Variants in IKZF1 observed in about 807,000 individuals in gnomAD.
The protein encoded by IKZF1 is IKAROS family zinc finger 1.
A neutral mutation model predicts 51.7 loss-of-function variants in IKZF1; 10 were observed. The ratio of observed to expected loss-of-function variants is 0.19; its 90% CI spans 0.12 to 0.33. The LOEUF (loss-of-function observed/expected upper bound fraction) is 0.33. Ranked by LOEUF, IKZF1 falls within the 10% of genes least tolerant of loss-of-function variation. IKZF1 has a pLI of 1.00. For synonymous variants in IKZF1, 280 were observed against 282.3 expected (o/e 0.99, Z 0.08); for missense variants, 484 against 707.5 (o/e 0.68, Z 3.58).
intron 2 of IKZF1, among the ~76,000 whole-genome samples, chr7:50,319,935 A>G (rs1017643704): frequency 6.6e-6 from 1 of 152,220 alleles, no homozygotes; most frequent in Non-Finnish European, 1.5e-5. Context: ...GATGAAGACC[A>G]GGACCTATGT....
rs2153517871 is a variant in IKZF1 at position 50,400,038 on chromosome 7, C to T, written c.971C>T (p.Ala324Val). The T allele has an allele frequency of 1.2e-6, 2 of 1,611,282 alleles. No individual in the cohort carries two copies. The highest frequency in any genetic ancestry group is 1.7e-6 in the Non-Finnish European group (2 of 1,178,956). The change falls in exon 8 of 8, where the codon GCC becomes GTC. Residue 324 changes from alanine to valine, a missense_variant. By Grantham distance (64) the Ala-to-Val change is moderately conservative. Around this residue, in one of 6 missense-constraint regions of IKZF1, gnomAD observed 172 missense variants for 192.7 expected, o/e 0.89. Coordinates refer to ENST00000331340, the MANE Select transcript of IKZF1 (RefSeq NM_006060.6). The surrounding 1 kb of genome is among the most constrained non-coding windows in gnomAD (Gnocchi z 5.4). ...AACAACGCCATCAACTACCTGGGGG[C>T]CGAGTCCCTGCGCCCGCTGGTGCAG... is the stretch of plus-strand genomic sequence containing the variant. ...AINNAINYLG[A>V]ESLRPLVQTP... is the part of the protein sequence containing the mutation.
In IKZF1 at chr7:50,349,043, A is replaced by G. The variant is rs527348234; in HGVS notation, c.160+21286A>G. On this transcript the variant is annotated intron_variant, in intron 3 of 7. Transcript: ENST00000331340. ...TGGGGTCAGCCAGTTTATAACACGA[A>G]CGGAGGTTAATGAACTGATCTTCCC... 2.6e-5 allele frequency among the ~76,000 whole-genome samples: 4 copies of G among 152,220 alleles called. No individual in the cohort carries two copies. In the East Asian group the frequency reaches 7.7e-4, roughly 29 times the overall value.
At chr7:50,364,553 G>T (rs965098952) in intron 3 of IKZF1, among the ~76,000 whole-genome samples, 1 of 152,184 alleles carries the variant, frequency 6.6e-6, no homozygotes, top group African/African-American at 2.4e-5. Flanking sequence ...TAATAGCTTC[G>T]CTAATCCCAC....
intron 1 of IKZF1, among the ~76,000 whole-genome samples, chr7:50,311,336 C>T (rs1365896083): frequency 2.6e-5 from 4 of 152,172 alleles, no homozygotes; most frequent in East Asian, 1.9e-4. Flanking sequence ...TACTCTAGAA[C>T]ACATGTTCTT....
rs1340036663 is a variant in IKZF1, at chr7:50,335,326, T to A, written c.160+7569T>A. On this transcript the variant is annotated intron_variant, in intron 3 of 7. Coordinates refer to ENST00000331340, the MANE Select transcript of IKZF1 (RefSeq NM_006060.6). ...TGGGATGTGTGGTATGTGGTGTGTA[T>A]GTGTGTATGGGAGGTGTGTTGTGTA... Among the ~76,000 whole-genome samples the A allele has an allele frequency of 2.0e-5, 3 of 148,334 alleles. No individual in the cohort carries two copies. In the East Asian group the frequency reaches 6.0e-4, roughly 30 times the overall value.
intron 5 of IKZF1, 29 bp downstream of exon 5, chr7:50,382,736 G>C: frequency 1.3e-6 from 2 of 1,584,036 alleles, no homozygotes; most frequent in South Asian, 2.3e-5. Flanking sequence ...GTCCGGGGCT[G>C]TCTGGGTGTC....
Position 50,402,009 on chromosome 7 carries a change from T to A in IKZF1, c.*1382T>A, listed in dbSNP as rs1223127437. The A allele has an allele frequency of 4.4e-6, 1 of 228,972 alleles. No individual in the cohort carries two copies. Among genetic ancestry groups the A allele is most frequent in the Non-Finnish European group, 8.7e-6 (1 of 115,422 alleles). 14.2% of individuals were successfully genotyped at this position (228,972 alleles called of 1,614,324 possible). A position where few individuals can be genotyped will look rare whatever the true frequency, so the allele number is the denominator to read the frequency against. On this transcript the variant is annotated 3_prime_UTR_variant, in exon 8 of 8. Coordinates refer to ENST00000331340, the MANE Select transcript of IKZF1 (RefSeq NM_006060.6). ...ACCTTCGGAGAGTAATGCCACCAGA[T>A]CCCCTAGGAAAGAGGAGGCAAATGG...
chr7:50,317,885 C>T (rs1791990172), intron 1 of IKZF1, among the ~76,000 whole-genome samples: 1 of 151,998 alleles, frequency 6.6e-6, no homozygotes, highest in Admixed American at 6.5e-5. Flanking sequence ...CTGCTGAAAG[C>T]AGGCCACAGC....
intron 3 of IKZF1, among the ~76,000 whole-genome samples, chr7:50,333,415 T>C (rs1796854535): frequency 6.6e-6 from 1 of 151,684 alleles, no homozygotes; most frequent in Admixed American, 6.6e-5. Context: ...GCTTTCACCA[T>C]GGAAAGAAAG....
chr7:50,401,989 C>G lies in IKZF1; in HGVS notation c.*1362C>G, dbSNP rs1419862596. 4.4e-6 allele frequency: 1 copy of G among 228,602 alleles called. No homozygotes were observed. The highest frequency in any genetic ancestry group is 2.2e-5 in the African/African-American group (1 of 45,058). 14.2% of individuals were successfully genotyped at this position (228,602 alleles called of 1,614,324 possible). A position where few individuals can be genotyped will look rare whatever the true frequency, so the allele number is the denominator to read the frequency against. ...CAATTGAGGGACTGAGCCAGACCTT[C>G]GGAGAGTAATGCCACCAGATCCCCT... is the stretch of plus-strand genomic sequence containing the variant. On this transcript the variant is annotated 3_prime_UTR_variant, in exon 8 of 8. Transcript: ENST00000331340.
intron 1 of IKZF1, among the ~76,000 whole-genome samples, chr7:50,309,348 GGGGATC>G (rs1789598995): frequency 6.6e-6 from 1 of 152,170 alleles, no homozygotes; most frequent in Non-Finnish European, 1.5e-5. Context: ...AGTAAAAAGA[GGGGATC>G]CAATGTGGTC....
intron 3 of IKZF1, among the ~76,000 whole-genome samples, chr7:50,329,711 C>T (rs1796011345): frequency 6.6e-6 from 1 of 152,194 alleles, no homozygotes; most frequent in African/African-American, 2.4e-5. Context: ...CAAACAGATG[C>T]TCACACCCTG....
chr7:50,376,338 TC>T lies in IKZF1; in HGVS notation c.161-192del, dbSNP rs780259652. 1.2e-4 allele frequency among the ~76,000 whole-genome samples: 19 copies of T among 152,306 alleles called. No individual in the cohort carries two copies. The highest frequency in any genetic ancestry group is 2.2e-4 in the Non-Finnish European group (15 of 68,034). On this transcript the variant is annotated intron_variant, in intron 3 of 7. Transcript: ENST00000331340. This position sits in a 1 kb window ranked among gnomAD's most constrained non-coding sequence, Gnocchi z 4.5. ...AGATCTCCCTGTAACCCCAGGTGCA[TC>T]CCGAGGCCTGCCACCGAAGCCCACT... is the stretch of plus-strand genomic sequence containing the variant.
At chr7:50,308,354 A>G (rs1326481145) in intron 1 of IKZF1, among the ~76,000 whole-genome samples, 1 of 152,218 alleles carries the variant, frequency 6.6e-6, no homozygotes, top group African/African-American at 2.4e-5. Context: ...ATGTTTGACT[A>G]TAATAAATAG....
chr7:50,364,128 A>T (rs1376810491), intron 3 of IKZF1, among the ~76,000 whole-genome samples: 3 of 152,228 alleles, frequency 2.0e-5, no homozygotes, highest in African/African-American at 7.2e-5. Flanking sequence ...GTGTTCTCGA[A>T]TTTGAAAGTA....
intron 3 of IKZF1, among the ~76,000 whole-genome samples, chr7:50,361,409 G>A (rs969511899): frequency 1.3e-5 from 2 of 152,118 alleles, no homozygotes; most frequent in Non-Finnish European, 2.9e-5. Flanking sequence ...TACAACACTG[G>A]GAAAATATCC....
rs990185433 is a variant in IKZF1 at position 50,401,638 on chromosome 7, A to G, written c.*1011A>G. ...AGGCCTCTTTTCCTGAAGAAATCCA[A>G]TCCTAGCCCTCATTTTAATTATGTA... On this transcript the variant is annotated 3_prime_UTR_variant, in exon 8 of 8. Coordinates refer to ENST00000331340, the MANE Select transcript of IKZF1 (RefSeq NM_006060.6). 4.5e-6 allele frequency: 1 copy of G among 220,338 alleles called. No individual in the cohort carries two copies. Among genetic ancestry groups the G allele is most frequent in the Admixed American group, 5.8e-5 (1 of 17,348 alleles). The allele number at this position is 220,338 out of a possible 1,614,324, so 13.6% of individuals were successfully genotyped here. A position where few individuals can be genotyped will look rare whatever the true frequency, so the allele number is the denominator to read the frequency against.
Position 50,361,484 on chromosome 7 carries a change from G to A in IKZF1, c.161-15049G>A, listed in dbSNP as rs186796161. ...ATTGTTATATGGAGATCCTGGACCC[G>A]GAAGTTGGCTGACATGAAACAGGCC... is the stretch of plus-strand genomic sequence containing the variant. On this transcript the variant is annotated intron_variant, in intron 3 of 7. Coordinates refer to ENST00000331340, the MANE Select transcript of IKZF1 (RefSeq NM_006060.6). Among the ~76,000 whole-genome samples, 217 of 152,270 alleles carry A rather than the reference G, an allele frequency of 1.4e-3. 1 individual carries two copies. Among genetic ancestry groups the A allele is most frequent in the Middle Eastern group, 3.4e-3 (1 of 294 alleles).
chr7:50,358,000 G>C (rs570756528), intron 3 of IKZF1, among the ~76,000 whole-genome samples: 2 of 152,306 alleles, frequency 1.3e-5, no homozygotes, highest in Non-Finnish European at 2.9e-5. Flanking sequence ...GTCTAGGAAG[G>C]ACATAGCATA....
Sources: allele counts gnomAD v4.1 joint callset (sites outside exome capture counted in the v4.1 genomes callset), GRCh38; gene constraint gnomAD v4.1.1; regional missense constraint gnomAD v4.1.1; non-coding constraint Gnocchi (gnomAD v3.1); transcripts MANE v1.5; gene names NCBI Gene and HGNC (gene_info 2026-07-23, HGNC 2026-07-21).